The following HIPK2 variants were observed in gnomAD, a reference collection of about 807,000 sequenced individuals.
HIPK2 encodes the protein homeodomain-interacting protein kinase 2.
HIPK2 carries 27 observed loss-of-function variants against 113.7 expected under a neutral mutation model. That is an observed-to-expected ratio of 0.24 (90% CI 0.17 to 0.33). The LOEUF (loss-of-function observed/expected upper bound fraction) is 0.33, where lower values mean the gene tolerates loss of function less well. Among genes scored for constraint, HIPK2 ranks in the 10% least tolerant of loss-of-function variants. The pLI is 1.00. For synonymous variants in HIPK2, 631 were observed against 642.2 expected, an observed-to-expected ratio of 0.98 and a Z score of 0.26; for missense variants, 1,257 against 1,588.0, an observed-to-expected ratio of 0.79 and a Z score of 3.54.
intron 5 of HIPK2, 137 bp downstream of exon 5, chr7:139,628,816 T>C (rs1800514875): frequency 1.4e-6 from 1 of 691,168 alleles, no homozygotes; most frequent in Non-Finnish European, 2.4e-6. Flanking sequence ...AGACTGGCTG[T>C]AACTATTTAA....
chr7:139,628,635 T>C (rs1800509287), intron 5 of HIPK2, among the ~76,000 whole-genome samples: 1 of 152,220 alleles, frequency 6.6e-6, no homozygotes, highest in South Asian at 2.1e-4. Flanking sequence ...GGTTTCGCCA[T>C]GTTGGCCAGG....
chr7:139,718,734 C>T (rs539997839), intron 1 of HIPK2, among the ~76,000 whole-genome samples: 4 of 152,270 alleles, frequency 2.6e-5, no homozygotes, highest in East Asian at 3.9e-4. Context: ...CCAAATGAAT[C>T]GGTCACCTCA....
At chr7:139,768,632 T>C (rs1442073359) in intron 1 of HIPK2, among the ~76,000 whole-genome samples, 2 of 152,162 alleles carry the variant, frequency 1.3e-5, no homozygotes, top group Non-Finnish European at 2.9e-5. Context: ...CTTGCTTTCC[T>C]TGGGACAGAG....
Position 139,716,191 on chromosome 7 carries a change from G to C in HIPK2, c.844C>G (p.Gln282Glu). 2.5e-6 allele frequency: 4 copies of C among 1,614,040 alleles called. No homozygotes were observed. Among genetic ancestry groups the C allele is most frequent in the Non-Finnish European group, 3.4e-6 (4 of 1,179,892 alleles). Residue 282 changes from glutamine (Q) to glutamate (E), a missense_variant, in exon 2 of 15, where the codon CAG (glutamine) becomes GAG (glutamate). By Grantham distance (29) the Gln-to-Glu change is conservative. Transcript: ENST00000406875. This position sits in a 1 kb window ranked among gnomAD's most constrained non-coding sequence, Gnocchi z 9.3. ...HTCLVFEMLEQNLYDFLKQNK... is the reference protein window; with the variant it reads ...HTCLVFEMLEENLYDFLKQNK... ...TGCTTCAGAAAGTCATAGAGGTTCTGCTCCAACATCTCGAAGACCAAGCAC... is the reference window on the plus strand; with the variant it reads ...TGCTTCAGAAAGTCATAGAGGTTCTCCTCCAACATCTCGAAGACCAAGCAC...
rs374685190 is a variant in HIPK2, at chr7:139,600,535, C to T, written c.2317G>A (p.Gly773Ser). The change falls in exon 11 of 15, where the codon GGT becomes AGT. Residue 773 changes from glycine (G) to serine (S), a missense_variant. Coordinates refer to ENST00000406875, the MANE Select transcript of HIPK2 (RefSeq NM_022740.5). ...TGTGCTGCTGGAAGGGTCACATGAC[C>T]GGTCAATAGTGCAGGCTGCTGCATG... ...PIMQQPALLT[G>S]HVTLPAAQPL... is the part of the protein sequence containing the mutation. The T allele has an allele frequency of 2.4e-5, 38 of 1,613,902 alleles. No individual in the cohort carries two copies. The highest frequency in any genetic ancestry group is 1.6e-4 in the Middle Eastern group (1 of 6,084).
At chr7:139,609,226 T>C (rs1799730118) in intron 9 of HIPK2, among the ~76,000 whole-genome samples, 1 of 152,208 alleles carries the variant, frequency 6.6e-6, no homozygotes, top group Non-Finnish European at 1.5e-5. Context: ...TGACAGCTCC[T>C]TTTAGGCAGT....
intron 2 of HIPK2, among the ~76,000 whole-genome samples, chr7:139,712,704 C>T (rs1795108084): frequency 6.6e-6 from 1 of 152,218 alleles, no homozygotes; most frequent in African/African-American, 2.4e-5. Context: ...TTTTCTTGCC[C>T]CCTTTCTTTC....
At chr7:139,664,269 G>A (rs549878901) in intron 2 of HIPK2, among the ~76,000 whole-genome samples, 9 of 152,302 alleles carry the variant, frequency 5.9e-5, no homozygotes, top group African/African-American at 2.2e-4. Flanking sequence ...GGGTATAGTG[G>A]CTCAAGCCTG....
rs1042809983 is a variant in HIPK2 at position 139,563,921 on chromosome 7, C to G, written c.*9006G>C. ...GCACAAGAGAAAACATAAAAGAAACCAAGACTCAGGGAAACTGCCATTCCC... is the reference window on the plus strand; with the variant it reads ...GCACAAGAGAAAACATAAAAGAAACGAAGACTCAGGGAAACTGCCATTCCC... On this transcript the variant is annotated 3_prime_UTR_variant, in exon 15 of 15. Coordinates refer to ENST00000406875, the MANE Select transcript of HIPK2 (RefSeq NM_022740.5). The G allele has an allele frequency of 1.8e-4, 70 of 398,460 alleles. No homozygotes were observed. The highest frequency in any genetic ancestry group is 5.8e-5 in the Non-Finnish European group (13 of 226,070). 24.7% of individuals were successfully genotyped at this position (398,460 alleles called of 1,614,324 possible).
At chr7:139,777,299 TAAA>T in intron 1 of HIPK2, 1 of 155,370 alleles carries the variant, frequency 6.4e-6, no homozygotes. Flanking sequence ...CGCAAATAAA[TAAA>T]AAGCACAGTC....
At chr7:139,699,703 G>A (rs1398232016) in intron 2 of HIPK2, among the ~76,000 whole-genome samples, 1 of 152,224 alleles carries the variant, frequency 6.6e-6, no homozygotes, top group Non-Finnish European at 1.5e-5. Flanking sequence ...GATCTTAGGA[G>A]ATGACTGCTG....
rs547626501 is a variant in HIPK2 at position 139,648,177 on chromosome 7, G to C, written c.1104-16452C>G. On this transcript the variant is annotated intron_variant, in intron 2 of 14. Transcript: ENST00000406875. ...GTTCCTTTTCATTTGGCCTCAAAAG[G>C]GGTACATTTTTCAAAAAACAAAACA... Among the ~76,000 whole-genome samples, 8 of 152,282 alleles carry C rather than the reference G, an allele frequency of 5.3e-5. No homozygotes were observed. In the South Asian group the frequency reaches 1.5e-3, roughly 28 times the overall value.
At chr7:139,589,054 G>A (rs1272749144) in intron 12 of HIPK2, among the ~76,000 whole-genome samples, 1 of 152,184 alleles carries the variant, frequency 6.6e-6, no homozygotes, top group Non-Finnish European at 1.5e-5. Context: ...GACCCCAGGT[G>A]AGGATGGAGG....
chr7:139,713,953 C>T (rs1795143694), intron 2 of HIPK2, among the ~76,000 whole-genome samples: 1 of 152,226 alleles, frequency 6.6e-6, no homozygotes, highest in Non-Finnish European at 1.5e-5. Context: ...CATTGCCCAT[C>T]CTTCTCCTCT....
chr7:139,602,221 G>A (rs1047890551), intron 10 of HIPK2, among the ~76,000 whole-genome samples: 31 of 152,104 alleles, frequency 2.0e-4, no homozygotes, highest in Non-Finnish European at 3.7e-4. Context: ...CCAAAGTGCT[G>A]GGATTACAGA....
At chr7:139,605,592 C>A (rs934245782) in intron 9 of HIPK2, among the ~76,000 whole-genome samples, 1 of 152,120 alleles carries the variant, frequency 6.6e-6, no homozygotes, top group East Asian at 1.9e-4. Context: ...AAAACATTGA[C>A]GCTTATAAAA....
chr7:139,771,676 T>C (rs573349668), intron 1 of HIPK2, among the ~76,000 whole-genome samples: 8 of 152,286 alleles, frequency 5.3e-5, no homozygotes, highest in African/African-American at 1.9e-4. Context: ...GTTTTTCTCT[T>C]ATATGCGGTA....
At chr7:139,729,254 G>C (rs1023199323) in intron 1 of HIPK2, among the ~76,000 whole-genome samples, 4 of 151,726 alleles carry the variant, frequency 2.6e-5, no homozygotes, top group African/African-American at 7.3e-5. Flanking sequence ...GAAGCTGGGA[G>C]GTAGAGGTTG....
rs542079410 is a variant in HIPK2, at chr7:139,656,958, C to T, written c.1104-25233G>A. Among the ~76,000 whole-genome samples the T allele has an allele frequency of 7.7e-4, 117 of 152,224 alleles. No homozygotes were observed. In the Middle Eastern group the frequency reaches 0.017, roughly 22 times the overall value. On this transcript the variant is annotated intron_variant, in intron 2 of 14. Transcript: ENST00000406875. Reference sequence around the variant, plus strand: ...CAATCTCGGCTCACTGCAACCTCCACCTCCCGGATTCAAGTGATTCTCCTG... The same window carrying T: ...CAATCTCGGCTCACTGCAACCTCCATCTCCCGGATTCAAGTGATTCTCCTG...
Sources: gnomAD v4.1 joint callset for allele counts (sites outside exome capture counted in the v4.1 genomes callset) on GRCh38, gnomAD v4.1.1 for gene constraint, Gnocchi (gnomAD v3.1) non-coding constraint, MANE v1.5 for transcripts, NCBI Gene and HGNC (gene_info 2026-07-23, HGNC 2026-07-21) for gene names.